FAM13C: variants seen among roughly 807,000 people sequenced by gnomAD.
FAM13C encodes the protein family with sequence similarity 13 member C.
FAM13C carries 37 observed loss-of-function variants against 73.2 expected under a neutral mutation model. That is an observed-to-expected ratio of 0.51 (90% CI 0.39 to 0.67). The LOEUF (loss-of-function observed/expected upper bound fraction) is 0.67. Ranked by LOEUF, FAM13C falls within the 30% of genes least tolerant of loss-of-function variation. FAM13C has a pLI of 0.00. For synonymous variants in FAM13C, 246 were observed against 260.9 expected (o/e 0.94, Z 0.55); for missense variants, 589 against 715.6 (o/e 0.82, Z 2.02).
At chr10:59,318,816 T>C (rs531944749) in intron 4 of FAM13C, among the ~76,000 whole-genome samples, 1 of 152,038 alleles carries the variant, frequency 6.6e-6, no homozygotes, top group Non-Finnish European at 1.5e-5. Context: ...GTTTTTTATC[T>C]CTACCTCATC....
chr10:59,341,029 G>A (rs1464482190), intron 3 of FAM13C, among the ~76,000 whole-genome samples: 1 of 152,034 alleles, frequency 6.6e-6, no homozygotes, highest in Non-Finnish European at 1.5e-5. Flanking sequence ...AGAGGGAAGA[G>A]GTGGGAGGCG....
intron 2 of FAM13C, 125 bp downstream of exon 2, chr10:59,355,762 G>C: frequency 1.0e-6 from 1 of 991,900 alleles, no homozygotes; most frequent in Non-Finnish European, 1.5e-6. Context: ...AAATCTAGTA[G>C]AAGAGATGAG....
At chr10:59,361,729 T>C (rs1856440606) in intron 1 of FAM13C, among the ~76,000 whole-genome samples, 1 of 152,160 alleles carries the variant, frequency 6.6e-6, no homozygotes. Context: ...ATTAAAACTA[T>C]AGCATATAAA....
chr10:59,343,993 G>A (rs574508532), intron 3 of FAM13C, among the ~76,000 whole-genome samples: 142 of 140,070 alleles, frequency 1.0e-3, no homozygotes, highest in African/African-American at 3.4e-3. Context: ...ATGGAGTCTC[G>A]CTCTGTCGCC....
At chr10:59,325,907 A>G (rs1012477673) in intron 3 of FAM13C, among the ~76,000 whole-genome samples, 2 of 152,170 alleles carry the variant, frequency 1.3e-5, no homozygotes, top group Non-Finnish European at 2.9e-5. Flanking sequence ...TAATAGCAAT[A>G]TTATTTTAAA....
At chr10:59,340,227 T>G (rs1421446788) in intron 3 of FAM13C, among the ~76,000 whole-genome samples, 1 of 151,868 alleles carries the variant, frequency 6.6e-6, no homozygotes, top group Non-Finnish European at 1.5e-5. Flanking sequence ...AAAAAAAAAT[T>G]TTTTTTAAAA....
chr10:59,251,828 G>T (rs1346188647), intron 12 of FAM13C, 152 bp from the exon 13 acceptor site: 4 of 577,316 alleles, frequency 6.9e-6, no homozygotes, highest in East Asian at 5.9e-5. Context: ...CACACATAGA[G>T]CCTGACCATA....
chr10:59,282,056 T>A (rs1844980953), intron 6 of FAM13C: 1 of 152,206 alleles, frequency 6.6e-6, no homozygotes, highest in African/African-American at 2.4e-5. Context: ...TATTTGCCAC[T>A]CATCCAAACA....
chr10:59,322,523 T>C (rs1850454770), intron 4 of FAM13C, among the ~76,000 whole-genome samples: 1 of 152,198 alleles, frequency 6.6e-6, no homozygotes, highest in Admixed American at 6.5e-5. Context: ...CAAAATGGGA[T>C]ACACAATGGT....
chr10:59,339,507 T>A (rs927969128), intron 3 of FAM13C, among the ~76,000 whole-genome samples: 2 of 152,160 alleles, frequency 1.3e-5, no homozygotes, highest in African/African-American at 4.8e-5. Flanking sequence ...AAACCTCCTG[T>A]CTAGCTTCCA....
chr10:59,289,157 C>T (rs1464641499), intron 5 of FAM13C, among the ~76,000 whole-genome samples: 1 of 152,186 alleles, frequency 6.6e-6, no homozygotes, highest in Non-Finnish European at 1.5e-5. Flanking sequence ...ACATAGATTC[C>T]TCGCATGCGC....
intron 5 of FAM13C, among the ~76,000 whole-genome samples, chr10:59,284,693 C>G (rs1169965629): frequency 6.6e-6 from 1 of 151,110 alleles, no homozygotes. Context: ...TCATACCAAA[C>G]CCCCATACTC....
intron 3 of FAM13C, among the ~76,000 whole-genome samples, chr10:59,333,215 G>C (rs1852247906): frequency 6.6e-6 from 1 of 152,128 alleles, no homozygotes; most frequent in Non-Finnish European, 1.5e-5. Context: ...TGAGGTTTAA[G>C]ATCCCTTAAA....
chr10:59,306,392 A>G (rs1225560582), intron 4 of FAM13C, among the ~76,000 whole-genome samples: 1 of 152,218 alleles, frequency 6.6e-6, no homozygotes, highest in African/African-American at 2.4e-5. Context: ...AGGTACTTTA[A>G]TTTACTAACC....
At chr10:59,284,281 C>G (rs1845287683) in intron 5 of FAM13C, among the ~76,000 whole-genome samples, 2 of 152,200 alleles carry the variant, frequency 1.3e-5, no homozygotes, top group South Asian at 4.1e-4. Context: ...TGCCATGATG[C>G]AGATGCCAGC....
Position 59,357,191 on chromosome 10 carries a change from G to C in FAM13C, c.63-1248C>G, listed in dbSNP as rs538052064. 4.3e-4 allele frequency among the ~76,000 whole-genome samples: 66 copies of C among 152,158 alleles called. 1 individual carries two copies. The South Asian group carries it at 0.012, about 29-fold the overall frequency. On this transcript the variant is annotated intron_variant, in intron 1 of 13. Transcript: ENST00000618804. The stretch of plus-strand genomic sequence containing the variant: ...CCACTCTCCTACTAAACTCCCCTTC[G>C]AACATACATATATCCTATTAATTCT...
At chr10:59,265,844 A>T (rs572250874) in intron 8 of FAM13C, among the ~76,000 whole-genome samples, 1 of 152,206 alleles carries the variant, frequency 6.6e-6, no homozygotes, top group African/African-American at 2.4e-5. Context: ...CTCAAATCAC[A>T]TGGAAAGTTC....
chr10:59,343,377 A>T (rs577041646), intron 3 of FAM13C, among the ~76,000 whole-genome samples: 2 of 151,786 alleles, frequency 1.3e-5, no homozygotes, highest in South Asian at 4.2e-4. Context: ...CATTAATAAC[A>T]TTACTTCAGT....
At chr10:59,293,287 T>C (rs1049500479) in intron 5 of FAM13C, among the ~76,000 whole-genome samples, 1 of 151,690 alleles carries the variant, frequency 6.6e-6, no homozygotes, top group South Asian at 2.1e-4. Context: ...CGTGTTAGCC[T>C]GGATGGTCTC....
Sources: gnomAD v4.1 joint callset for allele counts (sites outside exome capture counted in the v4.1 genomes callset) on GRCh38, gnomAD v4.1.1 for gene constraint, MANE v1.5 for transcripts, NCBI Gene and HGNC (gene_info 2026-07-23, HGNC 2026-07-21) for gene names.